The following PDE4D variants were observed in gnomAD, a reference collection of about 807,000 sequenced individuals.
PDE4D encodes phosphodiesterase 4D.
PDE4D carries 24 observed loss-of-function variants against 87.4 expected under a neutral mutation model. The observed-to-expected ratio is 0.27, with a 90% CI of 0.20 to 0.39. PDE4D has a LOEUF of 0.39. Among genes scored for constraint, PDE4D ranks in the 10% least tolerant of loss-of-function variants. The pLI, the probability that PDE4D is intolerant of heterozygous loss-of-function variation, is 1.00. For missense variants in PDE4D, 714 were observed against 1,041.0 expected (o/e 0.69, Z 4.32); for synonymous variants, 384 against 383.2 (o/e 1.00, Z -0.02).
At chr5:60,022,049 A>G (rs1303595776) in intron 2 of PDE4D, among the ~76,000 whole-genome samples, 1 of 152,144 alleles carries the variant, frequency 6.6e-6, no homozygotes, top group Non-Finnish European at 1.5e-5. Context: ...GTAGAAACAA[A>G]CATCCCTCCT....
In PDE4D at chr5:59,964,830, T is replaced by C. The variant is rs568184662; in HGVS notation, c.272+23658A>G. The stretch of plus-strand genomic sequence containing the variant: ...ATTCTTAATTGGTTTAGCATTACCA[T>C]ATTCTTAGTCTTGCTGACGTCTGTA... On this transcript the variant is annotated intron_variant, in intron 3 of 16. Transcript: ENST00000502484. Among the ~76,000 whole-genome samples the C allele has an allele frequency of 2.6e-5, 4 of 152,276 alleles. No homozygotes were observed. In the South Asian group the frequency reaches 8.3e-4, roughly 32 times the overall value.
intron 1 of PDE4D, among the ~76,000 whole-genome samples, chr5:59,582,048 A>G (rs1824254113): frequency 2.6e-5 from 4 of 152,286 alleles, no homozygotes; most frequent in Admixed American, 2.6e-4. Flanking sequence ...TTTGGCCCCA[A>G]CAGGAATTCA....
rs1045130615 is a variant in PDE4D at position 60,372,780 on chromosome 5, C to T, written c.-90+115162G>A. ...CCCTGGAAAATTAGAATATTTCTTACCTCTTAAAATTGTTGTGAGACTTAA... is the reference window on the plus strand; with the variant it reads ...CCCTGGAAAATTAGAATATTTCTTATCTCTTAAAATTGTTGTGAGACTTAA... On this transcript the variant is annotated intron_variant, in intron 1 of 16. Transcript: ENST00000502484. 12 of 152,318 alleles carry T rather than the reference C, an allele frequency of 7.9e-5. No individual in the cohort carries two copies. In the South Asian group the frequency reaches 1.0e-3, roughly 13 times the overall value. 9.4% of individuals were successfully genotyped at this position (152,318 alleles called of 1,614,324 possible). A position where few individuals can be genotyped will look rare whatever the true frequency, so the allele number is the denominator to read the frequency against.
chr5:59,538,689 C>T (rs776548358), intron 1 of PDE4D, among the ~76,000 whole-genome samples: 20 of 152,206 alleles, frequency 1.3e-4, no homozygotes, highest in Non-Finnish European at 2.1e-4. Context: ...CAGCCAAATA[C>T]TACAACCTCA....
At chr5:59,794,132 G>C (rs1165587720) in intron 1 of PDE4D, among the ~76,000 whole-genome samples, 2 of 122,660 alleles carry the variant, frequency 1.6e-5, no homozygotes, top group African/African-American at 3.3e-5. Flanking sequence ...CACACACACA[G>C]AGGCGCACAC....
At chr5:60,367,759 T>C (rs573315341) in intron 1 of PDE4D, among the ~76,000 whole-genome samples, 1 of 152,272 alleles carries the variant, frequency 6.6e-6, no homozygotes, top group Admixed American at 6.5e-5. Context: ...AAGCACTGAA[T>C]ACTAAATTAA....
chr5:59,245,059 T>A (rs1013463120), intron 1 of PDE4D, among the ~76,000 whole-genome samples: 6 of 152,090 alleles, frequency 3.9e-5, no homozygotes, highest in African/African-American at 1.4e-4. Context: ...AAACTACTTT[T>A]AGAAATGCAT....
At chr5:59,668,285 T>C (rs559544268) in intron 1 of PDE4D, among the ~76,000 whole-genome samples, 18 of 152,336 alleles carry the variant, frequency 1.2e-4, no homozygotes, top group South Asian at 4.1e-4. Context: ...AAAGCTAACA[T>C]GCTATGCACA....
chr5:60,219,264 G>A (rs962355792), intron 1 of PDE4D, among the ~76,000 whole-genome samples: 1 of 152,126 alleles, frequency 6.6e-6, no homozygotes, highest in Non-Finnish European at 1.5e-5. Flanking sequence ...GCAAAGGTTA[G>A]CTTCCTGGAG....
intron 1 of PDE4D, among the ~76,000 whole-genome samples, chr5:59,252,858 A>T (rs1760243310): frequency 2.0e-5 from 3 of 152,094 alleles, no homozygotes; most frequent in Non-Finnish European, 4.4e-5. Flanking sequence ...TGCCAAAGTG[A>T]TAATATGGAG....
intron 1 of PDE4D, among the ~76,000 whole-genome samples, chr5:60,193,004 T>G (rs1018575858): frequency 9.9e-5 from 15 of 152,226 alleles, no homozygotes; most frequent in Non-Finnish European, 2.1e-4. Flanking sequence ...ACTTTGTTTT[T>G]GGGAATCTAT....
chr5:59,157,935 G>A (rs1419624619), intron 5 of PDE4D, among the ~76,000 whole-genome samples: 2 of 152,216 alleles, frequency 1.3e-5, no homozygotes, highest in Non-Finnish European at 2.9e-5. Context: ...TCAGAGGATA[G>A]TTAGAGATGT....
At chr5:60,067,042 T>C (rs532420846) in intron 2 of PDE4D, among the ~76,000 whole-genome samples, 2 of 152,230 alleles carry the variant, frequency 1.3e-5, no homozygotes, top group South Asian at 2.1e-4. Context: ...AAACAAGCAA[T>C]AGAAAGATAG....
chr5:60,459,411 A>G (rs1252099836), intron 1 of PDE4D, among the ~76,000 whole-genome samples: 1 of 152,148 alleles, frequency 6.6e-6, no homozygotes, highest in Non-Finnish European at 1.5e-5. Context: ...TTTAAACAAG[A>G]GAAAATAGAC....
chr5:59,695,459 T>C (rs1257721223), intron 1 of PDE4D, among the ~76,000 whole-genome samples: 1 of 152,198 alleles, frequency 6.6e-6, no homozygotes, highest in Non-Finnish European at 1.5e-5. Context: ...AGTTATCTGA[T>C]AGTTTAACTA....
At chr5:59,582,356 C>T (rs759179211) in intron 1 of PDE4D, among the ~76,000 whole-genome samples, 1 of 152,078 alleles carries the variant, frequency 6.6e-6, no homozygotes, top group African/African-American at 2.4e-5. Context: ...GGAAAATGCA[C>T]TTCTGGATTG....
intron 3 of PDE4D, among the ~76,000 whole-genome samples, chr5:59,972,184 T>C (rs1387903516): frequency 6.6e-6 from 1 of 152,218 alleles, no homozygotes; most frequent in East Asian, 1.9e-4. Flanking sequence ...ACCCTCCCTC[T>C]GTCTGCCAGA....
chr5:60,029,024 C>T (rs1028445149), intron 2 of PDE4D, among the ~76,000 whole-genome samples: 38 of 152,188 alleles, frequency 2.5e-4, no homozygotes, highest in African/African-American at 8.9e-4. Flanking sequence ...CTGTCCTCCC[C>T]GCTAAATTAA....
chr5:59,364,406 C>G (rs539456886), intron 1 of PDE4D, among the ~76,000 whole-genome samples: 3 of 152,236 alleles, frequency 2.0e-5, no homozygotes, highest in African/African-American at 7.2e-5. Context: ...AACTTACTAC[C>G]TTAAAAATGT....
Sources: allele counts gnomAD v4.1 joint callset (sites outside exome capture counted in the v4.1 genomes callset), GRCh38; gene constraint gnomAD v4.1.1; transcripts MANE v1.5; gene names NCBI Gene and HGNC (gene_info 2026-07-23, HGNC 2026-07-21).